LRFN2: variants seen among roughly 807,000 people sequenced by gnomAD.
LRFN2 encodes the protein leucine-rich repeat and fibronectin type-III domain-containing protein 2.
In LRFN2, 18 loss-of-function variants were observed where a neutral mutation model predicts 37.3. The observed-to-expected ratio is 0.48, with a 90% CI of 0.33 to 0.72. The LOEUF (loss-of-function observed/expected upper bound fraction) is 0.72. Ranked by LOEUF, LRFN2 falls within the 30% of genes least tolerant of loss-of-function variation. LRFN2 has a pLI of 0.02. For missense variants in LRFN2, 1,006 were observed against 1,060.7 expected, an observed-to-expected ratio of 0.95 and a Z score of 0.72; for synonymous variants, 556 against 466.6, an observed-to-expected ratio of 1.19 and a Z score of -2.47.
At chr6:40,493,209 A>C (rs151101141) in intron 1 of LRFN2, among the ~76,000 whole-genome samples, 1 of 152,082 alleles carries the variant, frequency 6.6e-6, no homozygotes, top group East Asian at 1.9e-4. Context: ...GTGTCCCTCT[A>C]TAGATGCCCC....
Position 40,431,956 on chromosome 6 carries a change from G to A in LRFN2, c.1158C>T (p.Thr386=), listed in dbSNP as rs774489124. The part of the protein sequence containing the change: ...IVQLPHLSNS[T]SRTAPPKSRL... ...GGGACTTGGGGGGTGCAGTGCGGCT[G>A]GTGCTGTTGCTGAGGTGTGGCAGCT... The change falls in exon 2 of 3, where the codon ACC becomes ACT. Residue 386 remains threonine (T), a synonymous_variant. Transcript: ENST00000338305. The A allele has an allele frequency of 1.2e-6, 2 of 1,613,550 alleles. No homozygotes were observed. Among genetic ancestry groups the A allele is most frequent in the Non-Finnish European group, 1.7e-6 (2 of 1,180,032 alleles).
chr6:40,499,247 G>T lies in LRFN2; in HGVS notation c.-18-66116C>A, dbSNP rs1469990833. On this transcript the variant is annotated intron_variant, in intron 1 of 2. Transcript: ENST00000338305. The stretch of plus-strand genomic sequence containing the variant: ...TGCAAGGGACTGCCTGCATCCTGGA[G>T]CCCCCATCTCCCCAGCCCTGATGAT... 3.9e-5 allele frequency among the ~76,000 whole-genome samples: 6 copies of T among 152,208 alleles called. No homozygotes were observed. In the South Asian group the frequency reaches 8.3e-4, roughly 21 times the overall value.
At chr6:40,487,764 A>C (rs1483640625) in intron 1 of LRFN2, among the ~76,000 whole-genome samples, 2 of 152,250 alleles carry the variant, frequency 1.3e-5, no homozygotes, top group African/African-American at 4.8e-5. Context: ...TACCAGGCCC[A>C]CTGTGTATTT....
At chr6:40,520,955 A>C (rs1177517054) in intron 1 of LRFN2, among the ~76,000 whole-genome samples, 3 of 152,128 alleles carry the variant, frequency 2.0e-5, no homozygotes, top group African/African-American at 7.2e-5. Flanking sequence ...AGGACCAATG[A>C]CATACGCACT....
chr6:40,482,635 G>T lies in LRFN2; in HGVS notation c.-18-49504C>A, dbSNP rs540688915. Among the ~76,000 whole-genome samples, 141 of 152,230 alleles carry T rather than the reference G, an allele frequency of 9.3e-4. 2 individuals are homozygous for T. In the South Asian group the frequency reaches 0.01, roughly 11 times the overall value. ...GTCTGTGGTTGCCATGGCAACATCT[G>T]CCAGCTCCTCTGAAGTCAGCGCTTA... On this transcript the variant is annotated intron_variant, in intron 1 of 2. Coordinates refer to ENST00000338305, the MANE Select transcript of LRFN2 (RefSeq NM_020737.3).
intron 1 of LRFN2, among the ~76,000 whole-genome samples, chr6:40,547,321 T>G (rs1057023622): frequency 1.3e-5 from 2 of 152,098 alleles, no homozygotes; most frequent in Non-Finnish European, 2.9e-5. Context: ...GCCAGGCCGG[T>G]CTCGAACTCC....
chr6:40,407,901 C>T (rs1266851662), intron 2 of LRFN2: 2 of 152,240 alleles, frequency 1.3e-5, no homozygotes, highest in Non-Finnish European at 2.9e-5. Flanking sequence ...ATGCAGAGGT[C>T]AGCATGGCCC....
Position 40,450,839 on chromosome 6 carries a change from G to T in LRFN2, c.-18-17708C>A, listed in dbSNP as rs147451547. ...TAAATATATAATGTAAGAAGCAAAT[G>T]AGTATTATCTCGAGGAGTACAAAGT... is the stretch of plus-strand genomic sequence containing the variant. On this transcript the variant is annotated intron_variant, in intron 1 of 2. Coordinates refer to ENST00000338305, the MANE Select transcript of LRFN2 (RefSeq NM_020737.3). 4.6e-5 allele frequency among the ~76,000 whole-genome samples: 7 copies of T among 152,224 alleles called. 1 individual carries two copies. The highest frequency in any genetic ancestry group is 4.6e-4 in the Admixed American group (7 of 15,292).
At chr6:40,395,992 C>T (rs2113792714) in intron 2 of LRFN2, among the ~76,000 whole-genome samples, 1 of 152,208 alleles carries the variant, frequency 6.6e-6, no homozygotes, top group Middle Eastern at 3.4e-3. Context: ...CAAAGATGTA[C>T]CACGAGCCCA....
rs575370380 is a variant in LRFN2 at position 40,472,943 on chromosome 6, C to T, written c.-18-39812G>A. On this transcript the variant is annotated intron_variant, in intron 1 of 2. Transcript: ENST00000338305. ...CCCTTCATTCACTCGGGGCTGCATCCGTCAGGAGCTCCTGAACCACCTGTT... is the reference window on the plus strand; with the variant it reads ...CCCTTCATTCACTCGGGGCTGCATCTGTCAGGAGCTCCTGAACCACCTGTT... Among the ~76,000 whole-genome samples, 16 of 152,242 alleles carry T rather than the reference C, an allele frequency of 1.1e-4. No homozygotes were observed. The South Asian group carries it at 2.1e-3, about 20-fold the overall frequency.
chr6:40,488,623 G>T (rs1325360786), intron 1 of LRFN2, among the ~76,000 whole-genome samples: 5 of 152,162 alleles, frequency 3.3e-5, no homozygotes, highest in African/African-American at 1.2e-4. Flanking sequence ...GTGGCCCATA[G>T]AGTGTAATTA....
chr6:40,570,165 T>C (rs949052160), intron 1 of LRFN2, among the ~76,000 whole-genome samples: 1 of 152,124 alleles, frequency 6.6e-6, no homozygotes, highest in African/African-American at 2.4e-5. Context: ...CACCATTCTC[T>C]CTCTAACCAA....
At chr6:40,448,294 T>A (rs1361808886) in intron 1 of LRFN2, among the ~76,000 whole-genome samples, 1 of 152,112 alleles carries the variant, frequency 6.6e-6, no homozygotes. Flanking sequence ...CCCCCTGGGT[T>A]TGGTGCACCC....
chr6:40,414,929 A>C (rs1397459565), intron 2 of LRFN2, among the ~76,000 whole-genome samples: 1 of 152,200 alleles, frequency 6.6e-6, no homozygotes. Context: ...TTGGCACCAC[A>C]GGAGACTAGG....
At chr6:40,491,079 G>A (rs556866923) in intron 1 of LRFN2, among the ~76,000 whole-genome samples, 13 of 152,278 alleles carry the variant, frequency 8.5e-5, no homozygotes, top group South Asian at 6.2e-4. Flanking sequence ...TGGCGGTCAC[G>A]TAGGGTCTTG....
chr6:40,526,728 C>T (rs1766262012), intron 1 of LRFN2, among the ~76,000 whole-genome samples: 1 of 152,204 alleles, frequency 6.6e-6, no homozygotes, highest in Admixed American at 6.5e-5. Flanking sequence ...CACTCAAACT[C>T]CTCCTGCATC....
At chr6:40,500,371 A>T (rs902022744) in intron 1 of LRFN2, among the ~76,000 whole-genome samples, 10 of 152,232 alleles carry the variant, frequency 6.6e-5, no homozygotes, top group Admixed American at 1.3e-4. Flanking sequence ...CTGGCTTCAG[A>T]GCCTCAGATC....
chr6:40,475,949 G>T (rs1205247732), intron 1 of LRFN2, among the ~76,000 whole-genome samples: 6 of 152,142 alleles, frequency 3.9e-5, no homozygotes, highest in Non-Finnish European at 8.8e-5. Flanking sequence ...CTAGAGTGGT[G>T]GTGTGACTTT....
At chr6:40,514,435 C>T (rs1765800582) in intron 1 of LRFN2, among the ~76,000 whole-genome samples, 1 of 152,176 alleles carries the variant, frequency 6.6e-6, no homozygotes, top group Non-Finnish European at 1.5e-5. Flanking sequence ...CTGCCTCAGC[C>T]TCCTGAGTAG....
Sources: allele counts gnomAD v4.1 joint callset (sites outside exome capture counted in the v4.1 genomes callset), GRCh38; gene constraint gnomAD v4.1.1; transcripts MANE v1.5; gene names NCBI Gene and HGNC (gene_info 2026-07-23, HGNC 2026-07-21).